AFF4: variants seen among roughly 807,000 people sequenced by gnomAD.
AFF4 encodes the protein AF4/FMR2 family member 4.
A neutral mutation model predicts 124.8 loss-of-function variants in AFF4; 13 were observed. That is an observed-to-expected ratio of 0.10 (90% confidence interval 0.07 to 0.17). The LOEUF (loss-of-function observed/expected upper bound fraction) is 0.17, where lower values mean the gene tolerates loss of function less well. Among genes scored for constraint, AFF4 ranks in the 10% least tolerant of loss-of-function variants. The probability of loss-of-function intolerance (pLI) is 1.00; values close to 1 mark genes in which losing one functional copy is unlikely to be tolerated. For missense variants in AFF4, 1,092 were observed against 1,403.8 expected (o/e 0.78, Z 3.55); for synonymous variants, 477 against 496.1 (o/e 0.96, Z 0.51).
chr5:132,926,538 CTTTTT>C (rs371859220), intron 5 of AFF4, among the ~76,000 whole-genome samples: 1 of 138,072 alleles, frequency 7.2e-6, no homozygotes, highest in African/African-American at 2.7e-5. Flanking sequence ...ATACCACTGT[CTTTTT>C]TTTTTTTTTT....
chr5:132,904,876 C>A (rs1052337892), intron 5 of AFF4, among the ~76,000 whole-genome samples: 1 of 151,806 alleles, frequency 6.6e-6, no homozygotes, highest in Admixed American at 6.6e-5. Flanking sequence ...TGGTGAAACC[C>A]CGTCTCTACG....
intron 10 of AFF4, 130 bp downstream of exon 10, chr5:132,898,100 G>T: frequency 8.3e-7 from 1 of 1,199,544 alleles, no homozygotes; most frequent in Non-Finnish European, 1.2e-6. Flanking sequence ...AACGTACACA[G>T]TACAATTTCT....
At chr5:132,941,156 C>G (rs1384149015) in intron 1 of AFF4, among the ~76,000 whole-genome samples, 1 of 152,028 alleles carries the variant, frequency 6.6e-6, no homozygotes, top group Non-Finnish European at 1.5e-5. Flanking sequence ...CTTACCATCA[C>G]TATCTCTGGC....
chr5:132,941,649 T>C (rs989582201), intron 1 of AFF4, among the ~76,000 whole-genome samples: 1 of 152,072 alleles, frequency 6.6e-6, no homozygotes. Context: ...AAACTCAGTT[T>C]CTCACACAAT....
intron 5 of AFF4, among the ~76,000 whole-genome samples, chr5:132,906,318 A>G (rs1204284396): frequency 6.6e-6 from 1 of 152,238 alleles, no homozygotes; most frequent in Non-Finnish European, 1.5e-5. Context: ...AAGTGTTTAT[A>G]GCAATATTAT....
At chr5:132,897,302 C>A in intron 10 of AFF4, 62 bp from the exon 11 acceptor site, 1 of 1,530,048 alleles carries the variant, frequency 6.5e-7, no homozygotes, top group Non-Finnish European at 8.9e-7. Context: ...GTTCTCCCTC[C>A]TTTACAACCT....
chr5:132,941,225 G>A (rs1761561878), intron 1 of AFF4, among the ~76,000 whole-genome samples: 2 of 152,038 alleles, frequency 1.3e-5, no homozygotes, highest in Non-Finnish European at 2.9e-5. Context: ...CTCCTCCAAC[G>A]TTAACATGAA....
intron 5 of AFF4, among the ~76,000 whole-genome samples, chr5:132,921,028 G>A (rs187060203): frequency 3.2e-4 from 48 of 151,672 alleles, no homozygotes; most frequent in African/African-American, 1.0e-3. Context: ...TCGAGAGGCC[G>A]AGGCAGGAGA....
intron 18 of AFF4, among the ~76,000 whole-genome samples, chr5:132,885,478 T>TGGGG (rs1405495989): frequency 4.1e-4 from 2 of 4,886 alleles, no homozygotes; most frequent in Non-Finnish European, 8.3e-4. Context: ...GGTGGGTGGG[T>TGGGG]GGGTGGGTGG....
intron 4 of AFF4, among the ~76,000 whole-genome samples, chr5:132,931,873 G>C (rs1344395030): frequency 6.6e-6 from 1 of 152,198 alleles, no homozygotes; most frequent in African/African-American, 2.4e-5. Flanking sequence ...GAACCTGGGA[G>C]GTGGAGGTTG....
chr5:132,956,154 A>G (rs1011058345), intron 1 of AFF4, among the ~76,000 whole-genome samples: 1 of 152,138 alleles, frequency 6.6e-6, no homozygotes, highest in Non-Finnish European at 1.5e-5. Flanking sequence ...AGTATCCACT[A>G]AGGCTGGATT....
intron 1 of AFF4, chr5:132,944,107 G>A (rs959994829): frequency 4.6e-5 from 7 of 151,894 alleles, no homozygotes; most frequent in African/African-American, 1.7e-4. Flanking sequence ...GGAGGCTGAG[G>A]AGGGCAGATC....
At chr5:132,950,660 AAAAT>A (rs1761822427) in intron 1 of AFF4, among the ~76,000 whole-genome samples, 1 of 152,184 alleles carries the variant, frequency 6.6e-6, no homozygotes, top group African/African-American at 2.4e-5. Context: ...AAAATAAAAT[AAAAT>A]AAAAATAAAA....
intron 7 of AFF4, among the ~76,000 whole-genome samples, chr5:132,901,701 T>C (rs1382442449): frequency 6.6e-6 from 1 of 152,230 alleles, no homozygotes; most frequent in Non-Finnish European, 1.5e-5. Flanking sequence ...AGTGGTTAAA[T>C]GAAGGGCTTG....
chr5:132,894,825 A>C (rs1760346284), intron 11 of AFF4, among the ~76,000 whole-genome samples: 1 of 152,100 alleles, frequency 6.6e-6, no homozygotes, highest in Non-Finnish European at 1.5e-5. Flanking sequence ...GTGGGGTCGC[A>C]TGCCTGTAGT....
chr5:132,881,172 G>C lies in AFF4; in HGVS notation c.3379C>G (p.Leu1127Val). Residue 1127 changes from leucine (L) to valine (V), a missense_variant, in exon 21 of 21, where the codon CTG becomes GTG. Transcript: ENST00000265343. The stretch of plus-strand genomic sequence containing the variant: ...ATGAGAGGGCCCATTACTTTATCCA[G>C]TTCAGCAAAGAATTCTAGAAAACCA... ...SKEQKEFFAE[L>V]DKVMGPLIFN... 6.2e-7 allele frequency: 1 copy of C among 1,613,794 alleles called. No individual in the cohort carries two copies. Among genetic ancestry groups the C allele is most frequent in the Non-Finnish European group, 8.5e-7 (1 of 1,179,880 alleles).
At chr5:132,888,443 G>A (rs1763553660) in intron 14 of AFF4, among the ~76,000 whole-genome samples, 2 of 152,004 alleles carry the variant, frequency 1.3e-5, no homozygotes, top group Admixed American at 6.6e-5. Flanking sequence ...TAAATAAAAT[G>A]TGAGTAGGAG....
intron 5 of AFF4, among the ~76,000 whole-genome samples, chr5:132,906,852 T>A (rs1192005907): frequency 6.6e-6 from 1 of 152,064 alleles, no homozygotes; most frequent in Non-Finnish European, 1.5e-5. Flanking sequence ...GTAATCCCAA[T>A]ACTTTGGGAG....
rs376546929 is a variant in AFF4, at chr5:132,914,407, C to T, written c.1051-10003G>A. 2.9e-4 allele frequency among the ~76,000 whole-genome samples: 44 copies of T among 151,984 alleles called. No individual in the cohort carries two copies. In the East Asian group the frequency reaches 4.6e-3, roughly 16 times the overall value. On this transcript the variant is annotated intron_variant, in intron 5 of 20. Coordinates refer to ENST00000265343, the MANE Select transcript of AFF4 (RefSeq NM_014423.4). ...CATGAGGTCAGGAGTTCGAGACCAG[C>T]CTGACCAACATGGTGAAACCCCGTC...
Sources: gnomAD v4.1 joint callset for allele counts (sites outside exome capture counted in the v4.1 genomes callset) on GRCh38, gnomAD v4.1.1 for gene constraint, MANE v1.5 for transcripts, NCBI Gene and HGNC (gene_info 2026-07-23, HGNC 2026-07-21) for gene names.